Variants in RIMS2 observed in about 807,000 individuals in gnomAD.
RIMS2 encodes the protein regulating synaptic membrane exocytosis protein 2.
A neutral mutation model predicts 174.4 loss-of-function variants in RIMS2; 59 were observed. That is an observed-to-expected ratio of 0.34 (90% confidence interval 0.27 to 0.42). The LOEUF is 0.42. Ranked by LOEUF, RIMS2 falls within the 10% of genes least tolerant of loss-of-function variation. The pLI is 1.00. For synonymous variants in RIMS2, 606 were observed against 572.5 expected, an observed-to-expected ratio of 1.06 and a Z score of -0.84; for missense variants, 1,620 against 1,666.3, an observed-to-expected ratio of 0.97 and a Z score of 0.48.
chr8:103,991,617 G>C (rs923188693), intron 17 of RIMS2, among the ~76,000 whole-genome samples: 2 of 152,016 alleles, frequency 1.3e-5, no homozygotes, highest in African/African-American at 4.8e-5. Flanking sequence ...AAGCCTAAGA[G>C]AGAATTTCCT....
At chr8:103,522,285 G>T (rs778229644) in intron 1 of RIMS2, among the ~76,000 whole-genome samples, 5 of 152,036 alleles carry the variant, frequency 3.3e-5, no homozygotes, top group Non-Finnish European at 5.9e-5. Context: ...AGAGCCATTA[G>T]GTTGTCATTA....
At chr8:103,545,127 C>T (rs1313451949) in intron 1 of RIMS2, among the ~76,000 whole-genome samples, 1 of 151,986 alleles carries the variant, frequency 6.6e-6, no homozygotes, top group African/African-American at 2.4e-5. Flanking sequence ...GAAACTCAAT[C>T]CAAAGAATCT....
chr8:103,959,255 A>G (rs568775382), intron 14 of RIMS2, among the ~76,000 whole-genome samples: 2 of 152,296 alleles, frequency 1.3e-5, no homozygotes, highest in Admixed American at 6.5e-5. Context: ...TATAGTGACA[A>G]TATCTCAAAA....
intron 1 of RIMS2, among the ~76,000 whole-genome samples, chr8:103,544,852 CCAT>C (rs1180023658): frequency 2.0e-5 from 3 of 152,084 alleles, no homozygotes; most frequent in Non-Finnish European, 2.9e-5. Flanking sequence ...CACAATCAAA[CCAT>C]CAAGGGCATC....
intron 1 of RIMS2, among the ~76,000 whole-genome samples, chr8:103,676,240 T>TA (rs34375219): frequency 0.78 from 118,539 of 152,080 alleles, 46,512 homozygotes; most frequent in East Asian, 0.88. Context: ...AAAGGGTTTT[T>TA]ATATAGACTG....
At chr8:103,628,102 T>C (rs1239552552) in intron 1 of RIMS2, among the ~76,000 whole-genome samples, 2 of 152,158 alleles carry the variant, frequency 1.3e-5, no homozygotes, top group African/African-American at 4.8e-5. Context: ...TTAGGTACTT[T>C]ATATAAGGCA....
chr8:104,003,432 G>A (rs1200154764), intron 17 of RIMS2, among the ~76,000 whole-genome samples: 1 of 112,922 alleles, frequency 8.9e-6, no homozygotes, highest in Non-Finnish European at 2.1e-5. Flanking sequence ...TTTTTTTTTT[G>A]CAATGGAGTC....
chr8:103,678,921 G>A (rs1001616339), intron 1 of RIMS2, among the ~76,000 whole-genome samples: 2 of 152,016 alleles, frequency 1.3e-5, no homozygotes, highest in African/African-American at 2.4e-5. Flanking sequence ...AATAAATGCC[G>A]ACACATGTTT....
chr8:103,937,468 G>A (rs1423125720), intron 13 of RIMS2, among the ~76,000 whole-genome samples: 1 of 152,154 alleles, frequency 6.6e-6, no homozygotes, highest in South Asian at 2.1e-4. Flanking sequence ...TATAGACTGA[G>A]CGTTCAAAGG....
intron 14 of RIMS2, among the ~76,000 whole-genome samples, chr8:103,958,548 A>T (rs1595836108): frequency 6.6e-6 from 1 of 152,150 alleles, no homozygotes; most frequent in African/African-American, 2.4e-5. Context: ...ATACCTTCAA[A>T]CCTAAAATAA....
At chr8:103,590,194 A>G (rs951862453) in intron 1 of RIMS2, among the ~76,000 whole-genome samples, 1 of 151,414 alleles carries the variant, frequency 6.6e-6, no homozygotes, top group African/African-American at 2.4e-5. Flanking sequence ...CATGTATCCC[A>G]TAAATATATA....
intron 1 of RIMS2, among the ~76,000 whole-genome samples, chr8:103,681,320 A>C (rs994639080): frequency 1.3e-5 from 2 of 152,074 alleles, no homozygotes; most frequent in African/African-American, 4.8e-5. Flanking sequence ...TTAGATTTTA[A>C]TATAAAAATG....
chr8:104,238,040 G>T (rs2099267598), intron 19 of RIMS2, among the ~76,000 whole-genome samples: 2 of 151,622 alleles, frequency 1.3e-5, no homozygotes. Flanking sequence ...CAAATACTTG[G>T]AACTAACCCA....
intron 19 of RIMS2, among the ~76,000 whole-genome samples, chr8:104,196,339 C>T (rs535189204): frequency 5.9e-5 from 9 of 152,194 alleles, no homozygotes; most frequent in African/African-American, 1.2e-4. Context: ...AATAACCTTA[C>T]GAAACAAAAG....
intron 19 of RIMS2, among the ~76,000 whole-genome samples, chr8:104,052,346 A>T (rs941778467): frequency 6.6e-6 from 1 of 152,212 alleles, no homozygotes. Context: ...AATAGAAAAA[A>T]TAATTTACCT....
At chr8:103,866,734 G>A (rs1224925791) in intron 3 of RIMS2, among the ~76,000 whole-genome samples, 1 of 151,982 alleles carries the variant, frequency 6.6e-6, no homozygotes, top group African/African-American at 2.4e-5. Context: ...TCTTAACATC[G>A]GATATTATTG....
rs187022483 is a variant in RIMS2 at position 103,623,737 on chromosome 8, C to T, written c.177-73349C>T. On this transcript the variant is annotated intron_variant, in intron 1 of 23. Transcript: ENST00000504942. Reference sequence around the variant, plus strand: ...ATCTCCTGACCTCGTGATCCGCCCGCTTCGGCCTCCCAAAGTGCTGGGATT... The same window carrying T: ...ATCTCCTGACCTCGTGATCCGCCCGTTTCGGCCTCCCAAAGTGCTGGGATT... Among the ~76,000 whole-genome samples the T allele has an allele frequency of 1.8e-3, 276 of 150,424 alleles. 1 individual carries two copies. The highest frequency in any genetic ancestry group is 1.2e-3 in the Non-Finnish European group (83 of 67,382).
chr8:103,602,076 C>G (rs924740705), intron 1 of RIMS2, among the ~76,000 whole-genome samples: 3 of 152,096 alleles, frequency 2.0e-5, no homozygotes, highest in African/African-American at 4.8e-5. Flanking sequence ...ACCTCTGCCT[C>G]CCAGGTTCAA....
intron 19 of RIMS2, among the ~76,000 whole-genome samples, chr8:104,240,022 C>G (rs939752883): frequency 6.6e-6 from 1 of 152,158 alleles, no homozygotes; most frequent in African/African-American, 2.4e-5. Flanking sequence ...CTAGAGGCTG[C>G]TCTCACATCC....
Sources: gnomAD v4.1 joint callset for allele counts (sites outside exome capture counted in the v4.1 genomes callset) on GRCh38, gnomAD v4.1.1 for gene constraint, MANE v1.5 for transcripts, NCBI Gene and HGNC (gene_info 2026-07-23, HGNC 2026-07-21) for gene names.